NBPF9: variants seen among roughly 807,000 people sequenced by gnomAD.
NBPF9 encodes NBPF member 9.
In NBPF9, 91 loss-of-function variants were observed where a neutral mutation model predicts 97.8. The observed-to-expected ratio is 0.93, with a 90% CI of 0.79 to 1.11. NBPF9 has a LOEUF of 1.11. Among genes scored for constraint, NBPF9 ranks in the 50% least tolerant of loss-of-function variants. The pLI is 0.00. For synonymous variants in NBPF9, 334 were observed against 359.5 expected (o/e 0.93, Z 0.80); for missense variants, 992 against 939.5 (o/e 1.06, Z -0.73).
At chr1:149,073,070 T>G (rs2079550937) in intron 13 of NBPF9, 138 bp from the exon 14 acceptor site, 1 of 717,118 alleles carries the variant, frequency 1.4e-6, no homozygotes, top group African/African-American at 1.8e-5. Context: ...AAGGAATGTC[T>G]GTGGCCAAGA....
chr1:149,103,532 A>C (rs1559550212), exon 1 of NBPF9: 1 of 152,326 alleles, frequency 6.6e-6, no homozygotes, highest in Non-Finnish European at 1.5e-5. Context: ...CTGGATCCTC[A>C]GGGTCCCGCT....
At chr1:149,056,180 C>A (rs2078226323) in intron 29 of NBPF9, among the ~76,000 whole-genome samples, 1 of 151,002 alleles carries the variant, frequency 6.6e-6, no homozygotes, top group African/African-American at 2.4e-5. Context: ...AGTAAAAGGA[C>A]ACTCTGAGTT....
intron 14 of NBPF9, 48 bp downstream of exon 14, chr1:149,072,670 T>A (rs2152894228): frequency 1.3e-6 from 2 of 1,591,510 alleles, no homozygotes; most frequent in Non-Finnish European, 1.7e-6. Flanking sequence ...GTCTGGAGCC[T>A]CTCATAAGCC....
rs1403109818 is a variant in NBPF9 at position 149,073,758 on chromosome 1, G to C, written c.1091+10C>G. The C allele has an allele frequency of 4.2e-5, 66 of 1,579,834 alleles. 3 individuals carry two copies. Among genetic ancestry groups the C allele is most frequent in the Non-Finnish European group, 5.4e-5 (62 of 1,156,364 alleles). ...CTGCCCCCCTGCCTGCCCCCATGGG[G>C]TCCCCTCACCTGAGCTCCTCAGCTT... On this transcript the variant is annotated intron_variant, in intron 13 of 29. Coordinates refer to ENST00000584027, the Ensembl canonical transcript of NBPF9.
Position 149,059,316 on chromosome 1 carries a change from A to G in NBPF9, c.2586-219T>C, listed in dbSNP as rs1392291943. The G allele has an allele frequency of 1.5e-5, 7 of 481,086 alleles. 1 individual carries two copies. The highest frequency in any genetic ancestry group is 2.8e-5 in the East Asian group (1 of 35,444). 29.8% of individuals were successfully genotyped at this position (481,086 alleles called of 1,614,324 possible). On this transcript the variant is annotated intron_variant, in intron 25 of 29. Transcript: ENST00000584027. The stretch of plus-strand genomic sequence containing the variant: ...GAGAGACAGAGACAGAGACAGAGAG[A>G]AAGTGACCTAGTGAATTGGCCGGGT...
intron 3 of NBPF9, among the ~76,000 whole-genome samples, chr1:149,100,989 G>T (rs1553663166): frequency 2.0e-5 from 3 of 150,786 alleles, no homozygotes; most frequent in Non-Finnish European, 3.0e-5. Flanking sequence ...GGTTAACACA[G>T]AAAAATGTGT....
At position 149,071,120 on chromosome 1, in the gene NBPF9, C is replaced by CT. The variant is rs2079375675; in HGVS notation, c.1398dup (p.Glu467ArgfsTer6). The CT allele has an allele frequency of 6.3e-7, 1 of 1,594,752 alleles. No individual in the cohort carries two copies. Among genetic ancestry groups the CT allele is most frequent in the African/African-American group, 1.3e-5 (1 of 74,328 alleles). The stretch of plus-strand genomic sequence containing the variant: ...AGTGAGTCCTCAGGGACTTCCTTTT[C>CT]TTCAGCCTTCTGCATCTCCCTGATG... On this transcript the variant is annotated frameshift_variant, in exon 16 of 30. Transcript: ENST00000584027. LOFTEE classifies it high-confidence loss of function.
At chr1:149,065,532 T>C (rs2078983766) in exon 18 of NBPF9, 1 of 1,609,322 alleles carries the variant, frequency 6.2e-7, no homozygotes, top group South Asian at 1.1e-5. Context: ...TCACTGCCTA[T>C]GTCAACAGCC....
chr1:149,073,213 C>T (rs1356810096), intron 13 of NBPF9, among the ~76,000 whole-genome samples: 1 of 148,202 alleles, frequency 6.7e-6, no homozygotes, highest in East Asian at 2.0e-4. Flanking sequence ...TTCAAAAAGA[C>T]ATCCTTTCAG....
Position 149,059,330 on chromosome 1 carries a change from A to G in NBPF9, c.2586-233T>C. The G allele has an allele frequency of 6.3e-6, 3 of 472,498 alleles. 1 individual carries two copies. The highest frequency in any genetic ancestry group is 3.9e-6 in the Non-Finnish European group (1 of 255,316). The allele number at this position is 472,498 out of a possible 1,614,324, so 29.3% of individuals were successfully genotyped here. A position where few individuals can be genotyped will look rare whatever the true frequency, so the allele number is the denominator to read the frequency against. On this transcript the variant is annotated intron_variant, in intron 25 of 29. Coordinates refer to ENST00000584027, the Ensembl canonical transcript of NBPF9. ...GAGACAGAGAGAAAGTGACCTAGTG[A>G]ATTGGCCGGGTGACACACTGATGAA...
intron 4 of NBPF9, among the ~76,000 whole-genome samples, chr1:149,097,585 C>G (rs1487267588): frequency 6.6e-6 from 1 of 152,170 alleles, no homozygotes; most frequent in Non-Finnish European, 1.5e-5. Flanking sequence ...CTGGACTTCC[C>G]TCCTTGCACT....
At chr1:149,101,923 C>CTT (rs1229722249) in intron 2 of NBPF9, among the ~76,000 whole-genome samples, 25 of 80,620 alleles carry the variant, frequency 3.1e-4, no homozygotes, top group African/African-American at 8.6e-4. Context: ...ATTACCTGTA[C>CTT]TTTTTTTTTT....
intron 29 of NBPF9, among the ~76,000 whole-genome samples, chr1:149,056,217 G>A (rs587603062): frequency 3.4e-4 from 50 of 148,980 alleles, no homozygotes; most frequent in African/African-American, 1.2e-3. Flanking sequence ...ACAGCAAACT[G>A]TGATCATGAA....
At chr1:149,099,804 G>A (rs2082028089) in intron 3 of NBPF9, among the ~76,000 whole-genome samples, 1 of 151,660 alleles carries the variant, frequency 6.6e-6, no homozygotes, top group African/African-American at 2.4e-5. Context: ...GGGCACTACA[G>A]GAAAACCCTG....
At chr1:149,080,673 T>C (rs2080350636) in intron 7 of NBPF9, among the ~76,000 whole-genome samples, 1 of 148,624 alleles carries the variant, frequency 6.7e-6, no homozygotes, top group East Asian at 2.0e-4. Flanking sequence ...AAGCATAAAG[T>C]GTGAGACATA....
intron 22 of NBPF9, chr1:149,061,795 C>T: frequency 3.3e-6 from 1 of 304,260 alleles, no homozygotes. Flanking sequence ...TCTACAAACC[C>T]TTGAGTCCAA....
Position 149,072,946 on chromosome 1 carries a change from G to T in NBPF9, c.1092-14C>A. 6.2e-7 allele frequency: 1 copy of T among 1,606,230 alleles called. No homozygotes were observed. Among genetic ancestry groups the T allele is most frequent in the Non-Finnish European group, 8.5e-7 (1 of 1,175,142 alleles). Reference sequence around the variant, plus strand: ...ACTTTATATTGCCTAAGGTGAGATGGTAGAGAAAAATTAAGAGTGGAAAGG... The same window carrying T: ...ACTTTATATTGCCTAAGGTGAGATGTTAGAGAAAAATTAAGAGTGGAAAGG... On this transcript the variant is annotated splice_polypyrimidine_tract_variant and intron_variant, in intron 13 of 29. Transcript: ENST00000584027.
chr1:149,074,710 C>T lies in NBPF9; in HGVS notation c.989-840G>A, dbSNP rs587657029. 1.6e-3 allele frequency among the ~76,000 whole-genome samples: 247 copies of T among 151,524 alleles called. 2 individuals are homozygous for T. The highest frequency in any genetic ancestry group is 5.8e-3 in the African/African-American group (242 of 41,470). ...ATCTCCACACATTCTCGGGTGCGAA[C>T]TTTCTTCCTCTTTAGCAACAAGACT... is the stretch of plus-strand genomic sequence containing the variant. On this transcript the variant is annotated intron_variant, in intron 12 of 29. Coordinates refer to ENST00000584027, the Ensembl canonical transcript of NBPF9.
chr1:149,094,147 A>C (rs2081593685), intron 4 of NBPF9, among the ~76,000 whole-genome samples: 1 of 152,002 alleles, frequency 6.6e-6, no homozygotes, highest in Admixed American at 6.6e-5. Context: ...AAAAGAAAAG[A>C]TAAAATAAAG....
Sources: allele counts gnomAD v4.1 joint callset (sites outside exome capture counted in the v4.1 genomes callset), GRCh38; gene constraint gnomAD v4.1.1; transcripts MANE v1.5; gene names NCBI Gene and HGNC (gene_info 2026-07-23, HGNC 2026-07-21).